The following GPR158 variants were observed in gnomAD, a reference collection of about 807,000 sequenced individuals.
GPR158 encodes G protein-coupled receptor 158, also known as metabotropic glycine receptor.
Under a neutral mutation model 78.2 loss-of-function variants are expected in GPR158, and 30 were observed. The observed-to-expected ratio is 0.38, with a 90% CI of 0.29 to 0.52. The LOEUF (loss-of-function observed/expected upper bound fraction) is 0.52. Ranked by LOEUF, GPR158 falls within the 20% of genes least tolerant of loss-of-function variation. The pLI is 0.83. For missense variants in GPR158, 1,463 were observed against 1,523.5 expected, an observed-to-expected ratio of 0.96 and a Z score of 0.66; for synonymous variants, 581 against 591.1, an observed-to-expected ratio of 0.98 and a Z score of 0.25.
chr10:25,561,014 G>A (rs1836852814), intron 6 of GPR158, among the ~76,000 whole-genome samples: 1 of 152,028 alleles, frequency 6.6e-6, no homozygotes, highest in African/African-American at 2.4e-5. Flanking sequence ...CTTGAATTAA[G>A]AGTAAGAGCA....
intron 7 of GPR158, among the ~76,000 whole-genome samples, chr10:25,580,921 T>A (rs1837186581): frequency 2.1e-5 from 2 of 94,462 alleles, no homozygotes; most frequent in Non-Finnish European, 3.8e-5. Flanking sequence ...TTATTTTATT[T>A]TATTTTATTT....
In GPR158 at chr10:25,398,475, C is replaced by T. The variant is rs548503854; in HGVS notation, c.1111+2462C>T. ...TATGTTCTGTGAAGGTATTTTGTATCTGGTTTACCCACATTTGTTCTCAGC... is the reference window on the plus strand; with the variant it reads ...TATGTTCTGTGAAGGTATTTTGTATTTGGTTTACCCACATTTGTTCTCAGC... On this transcript the variant is annotated intron_variant, in intron 3 of 10. Transcript: ENST00000376351. Among the ~76,000 whole-genome samples, 10 of 152,244 alleles carry T rather than the reference C, an allele frequency of 6.6e-5. No individual in the cohort carries two copies. The South Asian group carries it at 2.1e-3, about 32-fold the overall frequency.
chr10:25,434,427 T>C (rs1834969152), intron 4 of GPR158, among the ~76,000 whole-genome samples: 1 of 152,186 alleles, frequency 6.6e-6, no homozygotes, highest in Non-Finnish European at 1.5e-5. Flanking sequence ...ATATACCAAA[T>C]TGCTTGCTAT....
At chr10:25,372,932 C>T (rs1459546614) in intron 2 of GPR158, among the ~76,000 whole-genome samples, 1 of 151,894 alleles carries the variant, frequency 6.6e-6, no homozygotes, top group Non-Finnish European at 1.5e-5. Flanking sequence ...TCATTTGACT[C>T]AGCAATCTTA....
At chr10:25,228,879 C>CA (rs910228043) in intron 2 of GPR158, among the ~76,000 whole-genome samples, 1 of 151,580 alleles carries the variant, frequency 6.6e-6, no homozygotes, top group Non-Finnish European at 1.5e-5. Flanking sequence ...AAAAAAAATA[C>CA]AAAAAATTAT....
chr10:25,540,157 G>T (rs1227846742), intron 5 of GPR158, among the ~76,000 whole-genome samples: 1 of 152,116 alleles, frequency 6.6e-6, no homozygotes, highest in East Asian at 1.9e-4. Flanking sequence ...CTTCTCAAAA[G>T]AAGACATTTA....
chr10:25,310,111 T>C (rs947548798), intron 2 of GPR158, among the ~76,000 whole-genome samples: 2 of 152,222 alleles, frequency 1.3e-5, no homozygotes, highest in African/African-American at 4.8e-5. Flanking sequence ...TTCATTCTTT[T>C]GCCTGTGGAT....
chr10:25,578,370 C>CT (rs1473331631), intron 7 of GPR158, among the ~76,000 whole-genome samples: 1 of 152,192 alleles, frequency 6.6e-6, no homozygotes, highest in Non-Finnish European at 1.5e-5. Flanking sequence ...GTGATATTTT[C>CT]TGTTGTCAGA....
chr10:25,379,892 CT>C (rs34353740), intron 2 of GPR158, among the ~76,000 whole-genome samples: 111,948 of 148,442 alleles, frequency 0.75, 43,213 homozygotes, highest in Non-Finnish European at 0.85. Context: ...TATTTACCTC[CT>C]TTTTTTTTTT....
At chr10:25,192,596 G>A (rs540715706) in intron 1 of GPR158, among the ~76,000 whole-genome samples, 1 of 152,178 alleles carries the variant, frequency 6.6e-6, no homozygotes, top group South Asian at 2.1e-4. Context: ...GCCTCTTACT[G>A]TTGTAAAGAG....
At chr10:25,228,828 G>A (rs1016054785) in intron 2 of GPR158, among the ~76,000 whole-genome samples, 1 of 152,000 alleles carries the variant, frequency 6.6e-6, no homozygotes, top group Non-Finnish European at 1.5e-5. Flanking sequence ...TCAGGAGATG[G>A]AAACCATCCT....
chr10:25,249,164 C>G (rs12784401), intron 2 of GPR158, among the ~76,000 whole-genome samples: 1 of 152,042 alleles, frequency 6.6e-6, no homozygotes, highest in Non-Finnish European at 1.5e-5. Flanking sequence ...TTGATTTTGT[C>G]TCCTGAGACT....
At chr10:25,555,393 C>A (rs1271537182) in intron 6 of GPR158, among the ~76,000 whole-genome samples, 2 of 152,066 alleles carry the variant, frequency 1.3e-5, no homozygotes. Context: ...CTGAAGTAGG[C>A]ACAAACGATG....
At chr10:25,467,266 A>T (rs1245395511) in intron 5 of GPR158, among the ~76,000 whole-genome samples, 1 of 152,188 alleles carries the variant, frequency 6.6e-6, no homozygotes, top group African/African-American at 2.4e-5. Flanking sequence ...GACTGTGGAG[A>T]CCAAGGTTCT....
intron 2 of GPR158, among the ~76,000 whole-genome samples, chr10:25,311,152 G>A (rs1337488597): frequency 1.3e-5 from 2 of 151,658 alleles, no homozygotes; most frequent in Admixed American, 1.3e-4. Context: ...TTCTTTCTCA[G>A]TTTTTCTTAA....
chr10:25,456,708 A>C (rs1263667195), intron 4 of GPR158, among the ~76,000 whole-genome samples: 1 of 152,222 alleles, frequency 6.6e-6, no homozygotes, highest in Non-Finnish European at 1.5e-5. Flanking sequence ...AGTCAGGTGA[A>C]ACTGAGGAAT....
intron 6 of GPR158, among the ~76,000 whole-genome samples, chr10:25,559,610 T>A (rs1836835811): frequency 6.6e-6 from 1 of 152,198 alleles, no homozygotes; most frequent in Admixed American, 6.5e-5. Context: ...GATAGAATGT[T>A]ATGAGAATGC....
chr10:25,534,586 C>CA (rs57381468), intron 5 of GPR158, among the ~76,000 whole-genome samples: 7,588 of 110,094 alleles, frequency 0.069, 580 homozygotes, highest in African/African-American at 0.19. Context: ...ACTAAAAATG[C>CA]AAAAAAAAAA....
At chr10:25,366,886 T>G (rs12354724) in intron 2 of GPR158, among the ~76,000 whole-genome samples, 4,054 of 151,878 alleles carry the variant, frequency 0.027, 90 homozygotes, top group Non-Finnish European at 0.045. Flanking sequence ...TTAAGACTTT[T>G]GCTCCATTTC....
Sources: allele counts gnomAD v4.1 joint callset (sites outside exome capture counted in the v4.1 genomes callset), GRCh38; gene constraint gnomAD v4.1.1; transcripts MANE v1.5; gene names NCBI Gene and HGNC (gene_info 2026-07-23, HGNC 2026-07-21).